Variants in PGM1 observed in about 807,000 individuals in gnomAD.
PGM1 encodes the protein phosphoglucomutase-1.
Under a neutral mutation model 55.6 loss-of-function variants are expected in PGM1, and 52 were observed. The ratio of observed to expected loss-of-function variants is 0.94; its 90% confidence interval spans 0.75 to 1.18. The LOEUF is 1.18. Among genes scored for constraint, PGM1 ranks in the 50% most tolerant of loss-of-function variants. The pLI, the probability that PGM1 is intolerant of heterozygous loss-of-function variation, is 0.00. For synonymous variants in PGM1, 287 were observed against 271.7 expected (o/e 1.06, Z -0.55); for missense variants, 724 against 729.3 (o/e 0.99, Z 0.08).
intron 7 of PGM1, among the ~76,000 whole-genome samples, chr1:63,647,303 T>G (rs1376157882): frequency 2.3e-5 from 3 of 133,070 alleles, no homozygotes; most frequent in Non-Finnish European, 5.0e-5. Flanking sequence ...TATATATATA[T>G]ATATAGTATT....
intron 1 of PGM1, among the ~76,000 whole-genome samples, chr1:63,627,302 A>G (rs993512681): frequency 2.0e-5 from 3 of 152,134 alleles, no homozygotes; most frequent in Admixed American, 6.5e-5. Flanking sequence ...AAAGGGACAC[A>G]GAATTATGAT....
At chr1:63,631,540 C>G in intron 3 of PGM1, 117 bp from the exon 4 acceptor site, 1 of 928,018 alleles carries the variant, frequency 1.1e-6, no homozygotes, top group South Asian at 1.3e-5. Context: ...TGGAGCTGTT[C>G]AATAATTGTC....
chr1:63,652,242 A>G (rs2269237), intron 9 of PGM1, among the ~76,000 whole-genome samples: 15,741 of 152,278 alleles, frequency 0.1, 1,037 homozygotes, highest in East Asian at 0.33. Flanking sequence ...AGCAGATTAT[A>G]GCAGAGTGAC....
Position 63,636,385 on chromosome 1 carries a change from A to G in PGM1, c.1025A>G (p.Asp342Gly). ...AGCATGCCCACGAGTGGTGCTCTGG[A>G]CCGGTAGGTGTCTCCATTCCCTTGG... ...ARSMPTSGAL[D>G]RVASATKIAL... The change falls in exon 6 of 11, where the codon GAC becomes GGC. Residue 342 changes from aspartate to glycine, a missense_variant. Asp to Gly is a moderately conservative substitution (Grantham distance 94). This residue lies in a region of PGM1 where 316 missense variants were observed against 313.1 expected (regional missense o/e 1.01). Coordinates refer to ENST00000371084, the MANE Select transcript of PGM1 (RefSeq NM_002633.3). The G allele has an allele frequency of 6.2e-7, 1 of 1,613,990 alleles. No individual in the cohort carries two copies. The highest frequency in any genetic ancestry group is 8.5e-7 in the Non-Finnish European group (1 of 1,179,982).
At chr1:63,598,505 G>A (rs529506019) in intron 1 of PGM1, among the ~76,000 whole-genome samples, 1 of 152,186 alleles carries the variant, frequency 6.6e-6, no homozygotes, top group East Asian at 1.9e-4. Context: ...AGTATTTTGA[G>A]ATAACTATAA....
intron 8 of PGM1, among the ~76,000 whole-genome samples, chr1:63,650,304 A>G (rs977572131): frequency 5.3e-5 from 8 of 152,336 alleles, no homozygotes; most frequent in African/African-American, 1.4e-4. Flanking sequence ...TTAATAGCCA[A>G]TAGAGGCTGG....
At chr1:63,631,360 CCT>C (rs1478466582) in intron 3 of PGM1, among the ~76,000 whole-genome samples, 1 of 152,182 alleles carries the variant, frequency 6.6e-6, no homozygotes, top group Non-Finnish European at 1.5e-5. Context: ...TTGAAAATCC[CCT>C]GTGTGCCTCA....
At chr1:63,657,500 A>G (rs966006460) in intron 10 of PGM1, among the ~76,000 whole-genome samples, 2 of 152,260 alleles carry the variant, frequency 1.3e-5, no homozygotes, top group Non-Finnish European at 2.9e-5. Flanking sequence ...TAAGTGTAAC[A>G]TAATGCTATT....
intron 10 of PGM1, among the ~76,000 whole-genome samples, chr1:63,656,517 G>A (rs1649969632): frequency 2.6e-5 from 4 of 151,922 alleles, no homozygotes; most frequent in Admixed American, 2.6e-4. Context: ...ATTCACAATA[G>A]TCAAGATATG....
At chr1:63,618,205 A>T (rs183455090) in intron 1 of PGM1, among the ~76,000 whole-genome samples, 1 of 152,216 alleles carries the variant, frequency 6.6e-6, no homozygotes, top group Non-Finnish European at 1.5e-5. Flanking sequence ...ATTACTAGTA[A>T]CTGGTAGAAT....
At chr1:63,636,641 T>C (rs1417633152) in intron 6 of PGM1, among the ~76,000 whole-genome samples, 3 of 152,218 alleles carry the variant, frequency 2.0e-5, no homozygotes, top group African/African-American at 7.2e-5. Context: ...GTTTTCTTGA[T>C]GGGCTGCCCT....
At chr1:63,605,651 A>G (rs1189112512) in intron 1 of PGM1, among the ~76,000 whole-genome samples, 1 of 152,084 alleles carries the variant, frequency 6.6e-6, no homozygotes, top group East Asian at 1.9e-4. Flanking sequence ...ATCATGGCTC[A>G]CTGGAGCCTC....
intron 1 of PGM1, among the ~76,000 whole-genome samples, chr1:63,617,769 A>T (rs1301154385): frequency 6.7e-6 from 1 of 149,832 alleles, no homozygotes; most frequent in African/African-American, 2.4e-5. Flanking sequence ...AGACCCTGAA[A>T]CAAGAGGAAC....
chr1:63,659,815 A>G lies in PGM1; in HGVS notation c.*140A>G. ...TCACTAACCAGTTGACGAGCAGTGC[A>G]TTTACAAGGCACTGCCAAACAAGAT... is the stretch of plus-strand genomic sequence containing the variant. On this transcript the variant is annotated 3_prime_UTR_variant, in exon 11 of 11. Transcript: ENST00000371084. 1.4e-6 allele frequency: 1 copy of G among 712,912 alleles called. No individual in the cohort carries two copies. Among genetic ancestry groups the G allele is most frequent in the Admixed American group, 2.0e-5 (1 of 49,746 alleles). The allele number at this position is 712,912 out of a possible 1,614,324, so 44.2% of individuals were successfully genotyped here.
chr1:63,648,490 T>G (rs374545432), intron 7 of PGM1, 27 bp from the exon 8 acceptor site: 106 of 1,613,852 alleles, frequency 6.6e-5, no homozygotes, highest in Non-Finnish European at 8.1e-5. Context: ...GCACGTTTCT[T>G]ACAGCAGCTT....
chr1:63,614,728 C>G (rs1360789705), intron 1 of PGM1, among the ~76,000 whole-genome samples: 1 of 151,960 alleles, frequency 6.6e-6, no homozygotes, highest in Non-Finnish European at 1.5e-5. Context: ...CACAATCTAC[C>G]TGACCTCGGA....
At chr1:63,618,528 T>TC (rs201339298) in intron 1 of PGM1, among the ~76,000 whole-genome samples, 2 of 152,062 alleles carry the variant, frequency 1.3e-5, no homozygotes, top group African/African-American at 4.8e-5. Context: ...TACCTAGTTT[T>TC]CCCCCCCTTA....
In PGM1 at chr1:63,609,455, T is replaced by C. The variant is rs547602511; in HGVS notation, c.246+15721T>C. On this transcript the variant is annotated intron_variant, in intron 1 of 10. Transcript: ENST00000371084. ...CAGGATGAGTAAGACAAAGTCCTTG[T>C]GCTTAGGGTGCTCATGCTGGTGGGG... 4.6e-5 allele frequency among the ~76,000 whole-genome samples: 7 copies of C among 152,280 alleles called. No homozygotes were observed. In the East Asian group the frequency reaches 1.4e-3, roughly 29 times the overall value.
chr1:63,596,254 C>CTTTTTTTTTTTTTTTTTTTTTT (rs531673796), intron 1 of PGM1, among the ~76,000 whole-genome samples: 5 of 111,328 alleles, frequency 4.5e-5, no homozygotes, highest in South Asian at 3.1e-4. Flanking sequence ...TTTTCTTCTT[C>CTTTTTTTTTTTTTTTTTTTTTT]TTTTTTTTTT....
Sources: allele counts gnomAD v4.1 joint callset (sites outside exome capture counted in the v4.1 genomes callset), GRCh38; gene constraint gnomAD v4.1.1; regional missense constraint gnomAD v4.1.1; transcripts MANE v1.5; gene names NCBI Gene and HGNC (gene_info 2026-07-23, HGNC 2026-07-21).